Variants in LRRC49 observed in about 807,000 individuals in gnomAD.
LRRC49 encodes the protein leucine rich repeat containing 49, also known as leucine-rich repeat-containing protein 49.
A neutral mutation model predicts 83.3 loss-of-function variants in LRRC49; 50 were observed. The observed-to-expected ratio is 0.60, with a 90% CI of 0.48 to 0.76. The LOEUF (loss-of-function observed/expected upper bound fraction) is 0.76. LRRC49 is among the 30% of genes least tolerant of loss of function. LRRC49 has a pLI of 0.00. For synonymous variants in LRRC49, 286 were observed against 283.3 expected (o/e 1.01, Z -0.10); for missense variants, 704 against 809.1 (o/e 0.87, Z 1.58).
At chr15:71,036,972 T>C (rs896774206) in intron 14 of LRRC49, among the ~76,000 whole-genome samples, 1 of 152,130 alleles carries the variant, frequency 6.6e-6, no homozygotes, top group African/African-American at 2.4e-5. Flanking sequence ...TGATGATTAG[T>C]AGTTATGGAA....
At chr15:70,959,880 T>A (rs2036546475) in intron 8 of LRRC49, among the ~76,000 whole-genome samples, 1 of 152,202 alleles carries the variant, frequency 6.6e-6, no homozygotes, top group South Asian at 2.1e-4. Flanking sequence ...TTTTCACAAA[T>A]CACACAGTTT....
At chr15:70,962,705 C>T (rs1228633915) in intron 8 of LRRC49, among the ~76,000 whole-genome samples, 3 of 151,960 alleles carry the variant, frequency 2.0e-5, no homozygotes, top group Non-Finnish European at 4.4e-5. Context: ...ACAATTTGAA[C>T]AACAAAATAG....
chr15:70,996,951 G>C (rs747321502), intron 11 of LRRC49, among the ~76,000 whole-genome samples: 1 of 152,170 alleles, frequency 6.6e-6, no homozygotes, highest in East Asian at 1.9e-4. Flanking sequence ...GATTGATTGA[G>C]ACTTGCTTTA....
intron 8 of LRRC49, among the ~76,000 whole-genome samples, chr15:70,942,078 C>CGA (rs2035842775): frequency 7.8e-6 from 1 of 128,944 alleles, no homozygotes; most frequent in Admixed American, 7.6e-5. Flanking sequence ...TGTGTGTAAG[C>CGA]GAGAGAGAGA....
At chr15:70,973,649 G>A (rs1006574810) in intron 9 of LRRC49, among the ~76,000 whole-genome samples, 1 of 152,164 alleles carries the variant, frequency 6.6e-6, no homozygotes, top group African/African-American at 2.4e-5. Context: ...CTCTGAGTGG[G>A]GCTGCTGCCT....
rs772975066 is a variant in LRRC49 at position 71,009,795 on chromosome 15, T to G, written c.1408-12T>G. 6.3e-7 allele frequency: 1 copy of G among 1,595,942 alleles called. No homozygotes were observed. The highest frequency in any genetic ancestry group is 1.1e-5 in the South Asian group (1 of 89,480). On this transcript the variant is annotated splice_polypyrimidine_tract_variant and intron_variant, in intron 12 of 15. Coordinates refer to ENST00000260382, the MANE Select transcript of LRRC49 (RefSeq NM_017691.5). Reference sequence around the variant, plus strand: ...CAATGTTCTGATCTGTATTTGTGTTTTATCATTGCAGCACCTTAAATTCAA... The same window carrying G: ...CAATGTTCTGATCTGTATTTGTGTTGTATCATTGCAGCACCTTAAATTCAA...
chr15:70,904,757 T>G lies in LRRC49; in HGVS notation c.500+2T>G. The G allele has an allele frequency of 6.2e-7, 1 of 1,608,766 alleles. No homozygotes were observed. The highest frequency in any genetic ancestry group is 8.5e-7 in the Non-Finnish European group (1 of 1,176,262). On this transcript the variant is annotated splice_donor_variant, in intron 5 of 15. Coordinates refer to ENST00000260382, the MANE Select transcript of LRRC49 (RefSeq NM_017691.5). LOFTEE classifies it high-confidence loss of function. ...TGTCCTTCTGTTGGGGAAAAACAGG[T>G]ATTCTTTGTAGAGCAGTTTTTGTAG...
chr15:71,035,617 A>G lies in LRRC49; in HGVS notation c.1704-1562A>G, dbSNP rs562211826. The stretch of plus-strand genomic sequence containing the variant: ...CGGTGTTTGGTTTTCTGTTCTTGTG[A>G]TAGTTTGCTGAGAATGATGGTTTCC... On this transcript the variant is annotated intron_variant, in intron 14 of 15. Coordinates refer to ENST00000260382, the MANE Select transcript of LRRC49 (RefSeq NM_017691.5). 1.4e-3 allele frequency among the ~76,000 whole-genome samples: 210 copies of G among 152,064 alleles called. 1 individual carries two copies. The highest frequency in any genetic ancestry group is 2.3e-3 in the Non-Finnish European group (153 of 67,988).
In LRRC49 at chr15:71,009,833, TG is replaced by T; in HGVS notation, c.1435del (p.Val479Ter). The T allele has an allele frequency of 6.2e-7, 1 of 1,612,022 alleles. No individual in the cohort carries two copies. The highest frequency in any genetic ancestry group is 8.5e-7 in the Non-Finnish European group (1 of 1,178,618). On this transcript the variant is annotated frameshift_variant, in exon 13 of 16. Transcript: ENST00000260382. LOFTEE classifies it high-confidence loss of function. The part of the protein sequence containing the change: ...LHLKFKETNL[V>X]MLQQFNALAQ... ...ACCTTAAATTCAAGGAAACAAATCT[TG>T]TAATGCTGCAGCAATTTAACGCACT... is the stretch of plus-strand genomic sequence containing the variant.
chr15:70,901,411 C>G (rs2034072483), intron 4 of LRRC49, among the ~76,000 whole-genome samples: 1 of 152,146 alleles, frequency 6.6e-6, no homozygotes, highest in African/African-American at 2.4e-5. Context: ...ACTCACTGCT[C>G]CAATCATACC....
At chr15:70,965,382 C>T (rs768433485) in intron 9 of LRRC49, among the ~76,000 whole-genome samples, 9 of 152,006 alleles carry the variant, frequency 5.9e-5, no homozygotes, top group Non-Finnish European at 1.2e-4. Context: ...GAACTTTTAC[C>T]AGTTATATCA....
At chr15:70,941,842 CT>C (rs2035829439) in intron 8 of LRRC49, among the ~76,000 whole-genome samples, 1 of 152,034 alleles carries the variant, frequency 6.6e-6, no homozygotes, top group African/African-American at 2.4e-5. Flanking sequence ...TGAAATTAAT[CT>C]TTGCAAAATT....
intron 15 of LRRC49, among the ~76,000 whole-genome samples, chr15:71,037,779 A>G (rs992024388): frequency 6.6e-6 from 1 of 151,718 alleles, no homozygotes; most frequent in African/African-American, 2.4e-5. Flanking sequence ...ATTCTACACC[A>G]TTTTTTTTAT....
intron 7 of LRRC49, among the ~76,000 whole-genome samples, chr15:70,935,877 C>T (rs932231313): frequency 6.6e-6 from 1 of 152,072 alleles, no homozygotes; most frequent in African/African-American, 2.4e-5. Flanking sequence ...TATTCTCCCC[C>T]TGTAGTAACC....
At chr15:71,013,819 CACAAAGGAA>C (rs2038738324) in intron 14 of LRRC49, among the ~76,000 whole-genome samples, 1 of 152,090 alleles carries the variant, frequency 6.6e-6, no homozygotes, top group Non-Finnish European at 1.5e-5. Context: ...AGAACAAGCC[CACAAAGGAA>C]ACTGCCTCCT....
intron 8 of LRRC49, among the ~76,000 whole-genome samples, chr15:70,949,967 C>A (rs946835823): frequency 1.2e-4 from 19 of 152,078 alleles, no homozygotes; most frequent in African/African-American, 4.6e-4. Context: ...TTCCCCTCAC[C>A]CTCCCCCATC....
chr15:70,978,865 T>C (rs1393993275), intron 9 of LRRC49, among the ~76,000 whole-genome samples: 1 of 152,210 alleles, frequency 6.6e-6, no homozygotes, highest in East Asian at 1.9e-4. Flanking sequence ...TATTTTCCAG[T>C]TGACTGATTC....
chr15:70,883,171 T>C (rs905334757), intron 2 of LRRC49, among the ~76,000 whole-genome samples: 21 of 152,148 alleles, frequency 1.4e-4, no homozygotes, highest in Non-Finnish European at 1.8e-4. Flanking sequence ...TTTTTTTTCT[T>C]AAATCAAAAG....
intron 15 of LRRC49, among the ~76,000 whole-genome samples, chr15:71,046,323 T>C (rs567503870): frequency 2.0e-5 from 3 of 152,312 alleles, no homozygotes; most frequent in African/African-American, 7.2e-5. Context: ...CCACCAGCAG[T>C]GTATGAGAGT....
Sources: gnomAD v4.1 joint callset for allele counts (sites outside exome capture counted in the v4.1 genomes callset) on GRCh38, gnomAD v4.1.1 for gene constraint, MANE v1.5 for transcripts, NCBI Gene and HGNC (gene_info 2026-07-23, HGNC 2026-07-21) for gene names.